SPATA13: variants seen among roughly 807,000 people sequenced by gnomAD.
SPATA13 encodes the protein spermatogenesis associated 13, also known as spermatogenesis-associated protein 13.
Under a neutral mutation model 104.0 loss-of-function variants are expected in SPATA13, and 50 were observed. The observed-to-expected ratio is 0.48, with a 90% CI of 0.38 to 0.61. The LOEUF is 0.61. Among genes scored for constraint, SPATA13 ranks in the 20% least tolerant of loss-of-function variants. The pLI is 0.00. For synonymous variants in SPATA13, 606 were observed against 667.5 expected (o/e 0.91, Z 1.42); for missense variants, 1,524 against 1,690.6 (o/e 0.90, Z 1.73).
intron 2 of SPATA13, among the ~76,000 whole-genome samples, chr13:24,001,057 C>T (rs1165713628): frequency 6.6e-6 from 1 of 152,178 alleles, no homozygotes; most frequent in African/African-American, 2.4e-5. Context: ...CCCTCACCCC[C>T]TGTCCTCCTT....
rs182848553 is a variant in SPATA13, at chr13:24,192,435, C to G, written c.-111-30384C>G. Among the ~76,000 whole-genome samples the G allele has an allele frequency of 9.3e-4, 142 of 152,216 alleles. 2 individuals carry two copies. Among genetic ancestry groups the G allele is most frequent in the African/African-American group, 2.9e-3 (121 of 41,542 alleles). On this transcript the variant is annotated intron_variant, in intron 1 of 12. Transcript: ENST00000382108. ...CTAGTTCTCCTCCTGCCCCTTCAGT[C>G]TCTGTGCCAGTTCCTCTTCCTCCTC...
At chr13:23,996,505 G>A (rs1875701083) in intron 2 of SPATA13, among the ~76,000 whole-genome samples, 1 of 152,196 alleles carries the variant, frequency 6.6e-6, no homozygotes, top group South Asian at 2.1e-4. Flanking sequence ...ATGGACAGAG[G>A]AAAGAAAGTC....
At chr13:24,203,876 T>A (rs1371040852) in intron 1 of SPATA13, among the ~76,000 whole-genome samples, 1 of 152,224 alleles carries the variant, frequency 6.6e-6, no homozygotes, top group Non-Finnish European at 1.5e-5. Flanking sequence ...TTTAATGAGC[T>A]GCCATTAGGT....
At chr13:24,004,939 T>C (rs993221406) in intron 2 of SPATA13, among the ~76,000 whole-genome samples, 2 of 152,226 alleles carry the variant, frequency 1.3e-5, no homozygotes, top group East Asian at 1.9e-4. Context: ...CATCACAATC[T>C]ATTTACTGTC....
chr13:24,134,714 A>G (rs2137838873), intron 3 of SPATA13, among the ~76,000 whole-genome samples: 1 of 152,320 alleles, frequency 6.6e-6, no homozygotes, highest in East Asian at 1.9e-4. Context: ...CCTCACCAGT[A>G]CCAACATTGC....
chr13:24,122,471 G>A, intron 3 of SPATA13: 1 of 1,608,500 alleles, frequency 6.2e-7, no homozygotes, highest in Non-Finnish European at 8.5e-7. Flanking sequence ...TGCTTAGCCA[G>A]AATCTCCAAA....
chr13:24,116,722 A>G (rs531907285), intron 3 of SPATA13, among the ~76,000 whole-genome samples: 20 of 149,008 alleles, frequency 1.3e-4, no homozygotes, highest in Admixed American at 1.2e-3. Context: ...CACCATTGCC[A>G]TAGACTTAAC....
In SPATA13 at chr13:24,205,445, A is replaced by G. The variant is rs115197662; in HGVS notation, c.-111-17374A>G. On this transcript the variant is annotated intron_variant, in intron 1 of 12. Coordinates refer to ENST00000382108, the MANE Select transcript of SPATA13 (RefSeq NM_001166271.3). This position sits in a 1 kb window ranked among gnomAD's most constrained non-coding sequence, Gnocchi z 4.1. ...CACTGCTCAAAGAAATCAGAGATGC[A>G]AATGGAAAAACACTCCATGCTATGG... Among the ~76,000 whole-genome samples, 2,335 of 152,298 alleles carry G rather than the reference A, an allele frequency of 0.015. 32 individuals are homozygous for G. The highest frequency in any genetic ancestry group is 0.03 in the African/African-American group (1,265 of 41,560).
rs55881452 is a variant in SPATA13 at position 24,239,693 on chromosome 13, T to TAAAAAAA, written c.1654-9764_1654-9758dup. Reference sequence around the variant, plus strand: ...CTGGGTGTCGGATAGAGACCATATCTAAAAAAAAAAAAAAAAAAAAAAAAA... The same window carrying TAAAAAAA: ...CTGGGTGTCGGATAGAGACCATATCTAAAAAAAAAAAAAAAAAAAAAAAAAAAAAAAA... On this transcript the variant is annotated intron_variant, in intron 2 of 12. Coordinates refer to ENST00000382108, the MANE Select transcript of SPATA13 (RefSeq NM_001166271.3). Among the ~76,000 whole-genome samples, 232 of 46,910 alleles carry TAAAAAAA rather than the reference T, an allele frequency of 4.9e-3. 29 individuals carry two copies. The highest frequency in any genetic ancestry group is 0.014 in the African/African-American group (194 of 13,466). The allele number at this position is 46,910 out of a possible 152,430, so 30.8% of individuals were successfully genotyped here.
chr13:24,003,952 AT>A (rs1430585845), intron 2 of SPATA13, among the ~76,000 whole-genome samples: 1 of 152,140 alleles, frequency 6.6e-6, no homozygotes, highest in Non-Finnish European at 1.5e-5. Context: ...CTCCTGCAGC[AT>A]TGTTTTGTAC....
At chr13:24,251,363 G>A in intron 3 of SPATA13, 1 of 676,326 alleles carries the variant, frequency 1.5e-6, no homozygotes. Context: ...CCCTGGGAAA[G>A]CATCTTCTTA....
At chr13:24,110,780 T>G (rs1373895405) in intron 3 of SPATA13, among the ~76,000 whole-genome samples, 9 of 152,158 alleles carry the variant, frequency 5.9e-5, no homozygotes, top group Non-Finnish European at 1.0e-4. Context: ...AGATTACACA[T>G]GGGAAAGGGC....
chr13:24,190,008 AT>A (rs1286861542), intron 1 of SPATA13, among the ~76,000 whole-genome samples: 1 of 26,690 alleles, frequency 3.7e-5, no homozygotes, highest in African/African-American at 1.0e-4. Flanking sequence ...ATAATAATAT[AT>A]TATTATATAA....
At chr13:24,292,994 T>TAAA (rs1486337659) in intron 9 of SPATA13, among the ~76,000 whole-genome samples, 3 of 1,344 alleles carry the variant, frequency 2.2e-3, no homozygotes, top group African/African-American at 6.5e-3. Context: ...AGACTTTGTC[T>TAAA]CAAAAAAAAA....
At chr13:24,046,271 A>G (rs1593297302) in intron 3 of SPATA13, among the ~76,000 whole-genome samples, 1 of 147,184 alleles carries the variant, frequency 6.8e-6, no homozygotes, top group South Asian at 2.2e-4. Context: ...CACTATCCTG[A>G]CTTCTAACAC....
chr13:24,052,821 G>A (rs1470922490), intron 3 of SPATA13, among the ~76,000 whole-genome samples: 22 of 2,238 alleles, frequency 9.8e-3, no homozygotes, highest in African/African-American at 0.037. Flanking sequence ...ACTTCCCCCT[G>A]CCGCCAGGGG....
At chr13:24,071,906 C>A (rs2137766827) in intron 3 of SPATA13, among the ~76,000 whole-genome samples, 1 of 152,294 alleles carries the variant, frequency 6.6e-6, no homozygotes, top group East Asian at 1.9e-4. Context: ...GACTCGAGTG[C>A]TCTAACAGCT....
At chr13:24,082,405 G>T (rs9553163) in intron 3 of SPATA13, among the ~76,000 whole-genome samples, 1 of 151,990 alleles carries the variant, frequency 6.6e-6, no homozygotes, top group Non-Finnish European at 1.5e-5. Flanking sequence ...TGGCGGGGAG[G>T]GTAACACTGA....
chr13:24,066,284 A>G lies in SPATA13; in HGVS notation c.-112+48583A>G, dbSNP rs74853852. Among the ~76,000 whole-genome samples the G allele has an allele frequency of 2.8e-3, 432 of 152,240 alleles. 14 individuals are homozygous for G. In the East Asian group the frequency reaches 0.062, roughly 22 times the overall value. ...GTTCATTCCTTTCCAGATATGCCCC[A>G]CCTGAATTTCACACATACCTCATTT... On this transcript the variant is annotated intron_variant, in intron 3 of 14. Transcript: ENST00000424834.
Sources: allele counts gnomAD v4.1 joint callset (sites outside exome capture counted in the v4.1 genomes callset), GRCh38; gene constraint gnomAD v4.1.1; non-coding constraint Gnocchi (gnomAD v3.1); transcripts MANE v1.5; gene names NCBI Gene and HGNC (gene_info 2026-07-23, HGNC 2026-07-21).